The following PXDN variants were observed in gnomAD, a reference collection of about 807,000 sequenced individuals.
The protein encoded by PXDN is peroxidasin, also known as peroxidasin homolog.
Under a neutral mutation model 140.3 loss-of-function variants are expected in PXDN, and 77 were observed. The ratio of observed to expected loss-of-function variants is 0.55; its 90% CI spans 0.46 to 0.66. PXDN has a LOEUF of 0.66. PXDN is among the 30% of genes least tolerant of loss of function. The pLI is 0.00. For synonymous variants in PXDN, 911 were observed against 857.4 expected, an observed-to-expected ratio of 1.06 and a Z score of -1.09; for missense variants, 1,838 against 2,039.5, an observed-to-expected ratio of 0.90 and a Z score of 1.90.
In PXDN at chr2:1,685,982, A is replaced by G. The variant is rs557412304; in HGVS notation, c.416+1650T>C. On this transcript the variant is annotated intron_variant, in intron 4 of 22. Coordinates refer to ENST00000252804, the MANE Select transcript of PXDN (RefSeq NM_012293.3). The surrounding 1 kb of genome is among the most constrained non-coding windows in gnomAD (Gnocchi z 5.1). ...AGAGCCTTCTTTCTGGATCAGGGAC[A>G]CTCAGATCCCCCTGGACTGCATCCG... Among the ~76,000 whole-genome samples the G allele has an allele frequency of 2.0e-5, 3 of 152,260 alleles. No individual in the cohort carries two copies. The highest frequency in any genetic ancestry group is 7.2e-5 in the African/African-American group (3 of 41,566).
rs1373672683 is a variant in PXDN at position 1,651,916 on chromosome 2, G to A, written c.2104+1712C>T. ...CTTCCGTTTGTGACTGTAGGCCCTG[G>A]CCCAGGACAATGACTGGCATAGAGG... On this transcript the variant is annotated intron_variant, in intron 16 of 22. Transcript: ENST00000252804. The surrounding 1 kb of genome is among the most constrained non-coding windows in gnomAD (Gnocchi z 4.4). Among the ~76,000 whole-genome samples the A allele has an allele frequency of 6.6e-6, 1 of 152,182 alleles. No individual in the cohort carries two copies. The highest frequency in any genetic ancestry group is 1.5e-5 in the Non-Finnish European group (1 of 68,038).
chr2:1,731,248 A>G (rs1332044903), intron 1 of PXDN, among the ~76,000 whole-genome samples: 3 of 152,036 alleles, frequency 2.0e-5, no homozygotes, highest in Non-Finnish European at 2.9e-5. Context: ...TGGGACAGCT[A>G]TGGCAAAAAC....
chr2:1,679,692 CTG>C (rs1220783582), intron 7 of PXDN, among the ~76,000 whole-genome samples: 7 of 112,208 alleles, frequency 6.2e-5, no homozygotes, highest in Admixed American at 2.0e-4. Context: ...TGTGTGTGGT[CTG>C]TGTCTGCATG....
At chr2:1,652,286 G>A (rs1041838471) in intron 16 of PXDN, among the ~76,000 whole-genome samples, 2 of 152,042 alleles carry the variant, frequency 1.3e-5, no homozygotes, top group Non-Finnish European at 2.9e-5. Context: ...AGAAAGGTAG[G>A]GAGTAGCAAG....
At chr2:1,702,264 G>C (rs12471328) in intron 1 of PXDN, among the ~76,000 whole-genome samples, 51,979 of 152,018 alleles carry the variant, frequency 0.34, 9,730 homozygotes, top group Admixed American at 0.44. Flanking sequence ...ACGGGAATTG[G>C]GGTCCTGCCC....
rs1459114826 is a variant in PXDN, at chr2:1,648,580, G to C, written c.3200C>G (p.Thr1067Ser). The change falls in exon 17 of 23, where the codon ACC becomes AGC. Residue 1067 changes from threonine to serine, a missense_variant. This residue lies in a region of PXDN where 850 missense variants were observed against 894.1 expected (regional missense o/e 0.95). Transcript: ENST00000252804. The surrounding 1 kb of genome is among the most constrained non-coding windows in gnomAD (Gnocchi z 8.9). Reference protein sequence around the residue: ...INAGIFNAFATAAFRFGHTLV... With the variant: ...INAGIFNAFASAAFRFGHTLV... ...CGTGTGGCCAAACCTGAAGGCCGCGGTGGCGAAGGCGTTGAAGATGCCAGC... is the reference window on the plus strand; with the variant it reads ...CGTGTGGCCAAACCTGAAGGCCGCGCTGGCGAAGGCGTTGAAGATGCCAGC... 6.2e-7 allele frequency: 1 copy of C among 1,613,838 alleles called. No homozygotes were observed. Among genetic ancestry groups the C allele is most frequent in the Admixed American group, 1.7e-5 (1 of 60,026 alleles).
intron 22 of PXDN, among the ~76,000 whole-genome samples, chr2:1,634,740 C>G (rs889678953): frequency 6.6e-6 from 1 of 152,158 alleles, no homozygotes; most frequent in Admixed American, 6.5e-5. Flanking sequence ...TGCTCTTCCC[C>G]GGTCTGCCCT....
chr2:1,648,325 A>G lies in PXDN; in HGVS notation c.3455T>C (p.Leu1152Pro). ...CTGGATGTTGATGGCCGCCAGGTCC[A>G]GAGCCACCGTGTGTGCCATGGAGAA... Reference protein sequence around the residue: ...RLFSMAHTVALDLAAINIQRG... With the variant: ...RLFSMAHTVAPDLAAINIQRG... Residue 1152 changes from leucine (L) to proline (P), a missense_variant, in exon 17 of 23, where the codon CTG (leucine) becomes CCG (proline). Physicochemically the swap from Leu to Pro is moderately conservative, Grantham distance 98. Transcript: ENST00000252804. The surrounding 1 kb of genome is among the most constrained non-coding windows in gnomAD (Gnocchi z 8.9). 6.2e-7 allele frequency: 1 copy of G among 1,613,858 alleles called. No individual in the cohort carries two copies. The highest frequency in any genetic ancestry group is 1.1e-5 in the South Asian group (1 of 91,078).
chr2:1,680,247 T>C lies in PXDN; in HGVS notation c.676A>G (p.Arg226Gly), dbSNP rs760152024. The change falls in exon 7 of 23, where the codon AGA (arginine) becomes GGA (glycine). Residue 226 changes from arginine to glycine, a missense_variant. Arg to Gly is a moderately radical substitution (Grantham distance 125). This residue lies in a region of PXDN where 208 missense variants were observed against 325.8 expected (regional missense o/e 0.64). Transcript: ENST00000252804. Reference sequence around the variant, plus strand: ...GCCACTGAGCGTCCCTGGATGCGTCTGGGATATTCACAGATGGCCGCTGCC... The same window carrying C: ...GCCACTGAGCGTCCCTGGATGCGTCCGGGATATTCACAGATGGCCGCTGCC... ...AQAAAICEYP[R>G]RIQGRSVATI... 6.8e-6 allele frequency: 11 copies of C among 1,612,106 alleles called. No homozygotes were observed. The East Asian group carries it at 2.2e-4, about 33-fold the overall frequency.
chr2:1,728,384 G>A (rs1011029082), intron 1 of PXDN, among the ~76,000 whole-genome samples: 1 of 152,244 alleles, frequency 6.6e-6, no homozygotes, highest in Non-Finnish European at 1.5e-5. Flanking sequence ...CTACCAGCCG[G>A]AGAATACAGT....
In PXDN at chr2:1,673,545, A is replaced by G. The variant is rs186370149; in HGVS notation, c.1018+98T>C. ...ACTGGAGCTTCAACTTCAGACTTCAATGTTCATTCTTATTTTGGGGTGCAA... is the reference window on the plus strand; with the variant it reads ...ACTGGAGCTTCAACTTCAGACTTCAGTGTTCATTCTTATTTTGGGGTGCAA... On this transcript the variant is annotated intron_variant, in intron 9 of 22. Coordinates refer to ENST00000252804, the MANE Select transcript of PXDN (RefSeq NM_012293.3). 4.8e-5 allele frequency: 69 copies of G among 1,452,226 alleles called. 2 individuals are homozygous for G. In the East Asian group the frequency reaches 1.6e-3, roughly 33 times the overall value. 90.0% of individuals were successfully genotyped at this position (1,452,226 alleles called of 1,614,324 possible).
rs1365564809 is a variant in PXDN at position 1,633,971 on chromosome 2, G to A, written c.*233C>T. The A allele has an allele frequency of 2.5e-5, 11 of 447,868 alleles. No individual in the cohort carries two copies. The highest frequency in any genetic ancestry group is 5.9e-5 in the African/African-American group (3 of 50,430). The allele number at this position is 447,868 out of a possible 1,614,324, so 27.7% of individuals were successfully genotyped here. A position where few individuals can be genotyped will look rare whatever the true frequency, so the allele number is the denominator to read the frequency against. On this transcript the variant is annotated 3_prime_UTR_variant, in exon 23 of 23. Coordinates refer to ENST00000252804, the MANE Select transcript of PXDN (RefSeq NM_012293.3). ...TAAATAAAAACCTGAGAAGTCTAAC[G>A]TGAAGCTAGGACTCCTGCCTGCTTC...
At position 1,648,180 on chromosome 2, in the gene PXDN, T is replaced by A; in HGVS notation, c.3600A>T (p.Lys1200Asn). The change falls in exon 17 of 23, where the codon AAA (lysine) becomes AAT (asparagine). Residue 1200 changes from lysine (K) to asparagine (N), a missense_variant. Physicochemically the swap from Lys to Asn is moderately conservative, Grantham distance 94 (BLOSUM62 0). Coordinates refer to ENST00000252804, the MANE Select transcript of PXDN (RefSeq NM_012293.3). The surrounding 1 kb of genome is among the most constrained non-coding windows in gnomAD (Gnocchi z 8.9). ...CAGCCTCTTCAGCTCACCTTTTCAG[T>A]TTCTCCCGGATCTCAGGGTTTTTAA... ...NEIKNPEIRE[K>N]LKRLYGSTLN... 1 of 1,611,150 alleles carries A rather than the reference T, an allele frequency of 6.2e-7. No homozygotes were observed. Among genetic ancestry groups the A allele is most frequent in the Non-Finnish European group, 8.5e-7 (1 of 1,177,564 alleles).
intron 14 of PXDN, among the ~76,000 whole-genome samples, chr2:1,656,355 T>G (rs953292484): frequency 5.3e-5 from 8 of 152,256 alleles, no homozygotes; most frequent in African/African-American, 1.9e-4. Context: ...CCCAATGACA[T>G]GAACCCTAAT....
chr2:1,714,093 A>G lies in PXDN; in HGVS notation c.201-20959T>C, dbSNP rs980361382. On this transcript the variant is annotated intron_variant, in intron 1 of 22. Transcript: ENST00000252804. The surrounding 1 kb of genome is among the most constrained non-coding windows in gnomAD (Gnocchi z 4.3). ...AAATGGCCTTCGGATAAACAGCTTC[A>G]AGAAAGCGCATCCGTCACCTTTGGT... is the stretch of plus-strand genomic sequence containing the variant. Among the ~76,000 whole-genome samples, 1 of 152,196 alleles carries G rather than the reference A, an allele frequency of 6.6e-6. No homozygotes were observed. Among genetic ancestry groups the G allele is most frequent in the South Asian group, 2.1e-4 (1 of 4,832 alleles).
At chr2:1,744,107 G>C (rs962537339) in intron 1 of PXDN, 149 bp downstream of exon 1, 28 of 924,860 alleles carry the variant, frequency 3.0e-5, no homozygotes, top group Non-Finnish European at 4.1e-5. Context: ...CCCCTTCGGA[G>C]GTTCCCTTCT....
At chr2:1,737,509 G>C (rs1221119428) in intron 1 of PXDN, among the ~76,000 whole-genome samples, 2 of 151,362 alleles carry the variant, frequency 1.3e-5, no homozygotes, top group African/African-American at 4.9e-5. Flanking sequence ...GATCTGAAGA[G>C]AAATTAGATG....
chr2:1,721,073 C>G (rs1161022823), intron 1 of PXDN, among the ~76,000 whole-genome samples: 1 of 152,224 alleles, frequency 6.6e-6, no homozygotes, highest in Non-Finnish European at 1.5e-5. Context: ...CGGCTCTACT[C>G]AAAGTCTCCA....
intron 1 of PXDN, among the ~76,000 whole-genome samples, chr2:1,719,869 TGTGTGAAA>T (rs1346139486): frequency 6.9e-6 from 1 of 144,212 alleles, no homozygotes; most frequent in African/African-American, 2.6e-5. Context: ...TGTGTGTGTG[TGTGTGAAA>T]GAGAGAGAGG....
Sources: gnomAD v4.1 joint callset for allele counts (sites outside exome capture counted in the v4.1 genomes callset) on GRCh38, gnomAD v4.1.1 for gene constraint, gnomAD v4.1.1 regional missense constraint, Gnocchi (gnomAD v3.1) non-coding constraint, MANE v1.5 for transcripts, NCBI Gene and HGNC (gene_info 2026-07-23, HGNC 2026-07-21) for gene names.